The following ATP2C1 variants were observed in gnomAD, a reference collection of about 807,000 sequenced individuals.
ATP2C1 encodes the protein calcium-transporting ATPase type 2C member 1.
A neutral mutation model predicts 120.5 loss-of-function variants in ATP2C1; 31 were observed. The observed-to-expected ratio is 0.26, with a 90% CI of 0.19 to 0.35. The LOEUF (loss-of-function observed/expected upper bound fraction) is 0.35, where lower values mean the gene tolerates loss of function less well. Ranked by LOEUF, ATP2C1 falls within the 10% of genes least tolerant of loss-of-function variation. ATP2C1 has a pLI of 1.00. For synonymous variants in ATP2C1, 351 were observed against 358.7 expected, an observed-to-expected ratio of 0.98 and a Z score of 0.24; for missense variants, 731 against 1,107.5, an observed-to-expected ratio of 0.66 and a Z score of 4.83.
chr3:130,877,521 G>A (rs551933421), intron 1 of ATP2C1, among the ~76,000 whole-genome samples: 68 of 152,162 alleles, frequency 4.5e-4, no homozygotes, highest in African/African-American at 1.0e-3. Context: ...TTATGCAGCC[G>A]ACAGACCCAT....
chr3:130,973,835 T>G (rs1179720763), intron 17 of ATP2C1, among the ~76,000 whole-genome samples: 1 of 152,110 alleles, frequency 6.6e-6, no homozygotes, highest in Non-Finnish European at 1.5e-5. Flanking sequence ...GAGAGGAAAT[T>G]TATCCCTAGC....
At chr3:130,977,240 C>T (rs1203046106) in intron 18 of ATP2C1, among the ~76,000 whole-genome samples, 2 of 152,004 alleles carry the variant, frequency 1.3e-5, no homozygotes, top group East Asian at 3.9e-4. Context: ...CCTGTTACTC[C>T]CCTGATTCAC....
intron 8 of ATP2C1, among the ~76,000 whole-genome samples, chr3:130,947,787 C>T (rs183711370): frequency 6.6e-6 from 1 of 151,986 alleles, no homozygotes; most frequent in East Asian, 1.9e-4. Context: ...TTTCCACGCC[C>T]CTCCAATTGA....
intron 1 of ATP2C1, among the ~76,000 whole-genome samples, chr3:130,873,193 C>T (rs2068490367): frequency 6.6e-6 from 1 of 152,122 alleles, no homozygotes; most frequent in African/African-American, 2.4e-5. Context: ...CAAAAGGTAA[C>T]TAAATAAACA....
chr3:130,944,832 G>A (rs2060073020), intron 8 of ATP2C1, among the ~76,000 whole-genome samples: 1 of 152,158 alleles, frequency 6.6e-6, no homozygotes, highest in East Asian at 1.9e-4. Context: ...GATCCACAGA[G>A]AGCAAAATCC....
chr3:130,852,966 T>A (rs2067721741), intron 1 of ATP2C1, among the ~76,000 whole-genome samples: 2 of 145,878 alleles, frequency 1.4e-5, no homozygotes, highest in Admixed American at 6.9e-5. Flanking sequence ...TAGCAAAATA[T>A]CACCCTGCTA....
intron 20 of ATP2C1, among the ~76,000 whole-genome samples, chr3:130,992,725 G>A (rs2062413952): frequency 1.3e-5 from 2 of 152,222 alleles, no homozygotes; most frequent in African/African-American, 2.4e-5. Context: ...TAAATTGGAT[G>A]ACTTGTTTAG....
chr3:130,983,118 A>G (rs1029291856), intron 20 of ATP2C1, among the ~76,000 whole-genome samples: 50 of 152,070 alleles, frequency 3.3e-4, no homozygotes, highest in African/African-American at 1.1e-3. Context: ...AGAGAGAGAG[A>G]GTTACATAAC....
chr3:130,963,388 A>G, intron 12 of ATP2C1: 1 of 156,082 alleles, frequency 6.4e-6, no homozygotes, highest in Non-Finnish European at 1.4e-5. Context: ...GATATTTCAT[A>G]TAAATGAAAT....
chr3:130,899,489 C>T (rs546994028), intron 2 of ATP2C1: 8 of 152,080 alleles, frequency 5.3e-5, no homozygotes, highest in South Asian at 2.1e-4. Flanking sequence ...TCATTGTCTT[C>T]GCTTTGAGTA....
chr3:130,941,825 GACA>G, intron 8 of ATP2C1, 126 bp downstream of exon 8: 2 of 850,660 alleles, frequency 2.4e-6, no homozygotes, highest in Non-Finnish European at 3.9e-6. Context: ...TTTAAAATGT[GACA>G]TATATAAACT....
At chr3:130,876,909 G>A (rs544741084) in intron 1 of ATP2C1, among the ~76,000 whole-genome samples, 5 of 152,104 alleles carry the variant, frequency 3.3e-5, no homozygotes, top group African/African-American at 7.2e-5. Context: ...TTTTATTGTT[G>A]TTGTTATTGG....
intron 10 of ATP2C1, chr3:130,955,635 T>C (rs987553258): frequency 1.1e-5 from 2 of 175,500 alleles, no homozygotes; most frequent in African/African-American, 4.8e-5. Flanking sequence ...CAGTATGCGA[T>C]GCAAAGTGGG....
At chr3:131,005,636 C>G (rs2063078845), downstream of ATP2C1, among the ~76,000 whole-genome samples, 1 of 152,150 alleles carries the variant, frequency 6.6e-6, no homozygotes, top group East Asian at 1.9e-4. Flanking sequence ...CTATAGCTGA[C>G]TAATTATAAG....
intron 1 of ATP2C1, among the ~76,000 whole-genome samples, chr3:130,878,751 T>A (rs1038242619): frequency 1.3e-5 from 2 of 152,224 alleles, no homozygotes; most frequent in Non-Finnish European, 2.9e-5. Context: ...AAATATGCTA[T>A]TATTCTGATG....
At chr3:130,859,997 T>C (rs530865460) in intron 1 of ATP2C1, among the ~76,000 whole-genome samples, 1 of 152,328 alleles carries the variant, frequency 6.6e-6, no homozygotes, top group South Asian at 2.1e-4. Context: ...TCCTACATTG[T>C]GGGGGCCACA....
rs150581601 is a variant in ATP2C1, at chr3:130,994,183, A to G, written c.2057+85A>G. ...CACCCCTAGAGAATTCAACTGGAAA[A>G]GAATTAGTATTTAAACATTAGGTAA... On this transcript the variant is annotated intron_variant, in intron 22 of 27. Coordinates refer to ENST00000510168, the MANE Select transcript of ATP2C1 (RefSeq NM_001378687.1). The G allele has an allele frequency of 1.4e-4, 215 of 1,507,232 alleles. 2 individuals are homozygous for G. Among genetic ancestry groups the G allele is most frequent in the Middle Eastern group, 1.0e-3 (5 of 4,920 alleles). The allele number at this position is 1,507,232 out of a possible 1,614,324, so 93.4% of individuals were successfully genotyped here.
intron 26 of ATP2C1, among the ~76,000 whole-genome samples, chr3:131,010,284 G>A (rs1200310687): frequency 1.3e-5 from 2 of 150,232 alleles, no homozygotes; most frequent in Non-Finnish European, 2.9e-5. Flanking sequence ...TCTGCATCCC[G>A]GGTTCACACC....
chr3:130,940,817 A>T (rs1401026166), intron 7 of ATP2C1, 126 bp downstream of exon 7: 1 of 781,208 alleles, frequency 1.3e-6, no homozygotes, highest in African/African-American at 1.7e-5. Context: ...ATCTGACACA[A>T]AAAGTTCCTG....
Sources: allele counts gnomAD v4.1 joint callset (sites outside exome capture counted in the v4.1 genomes callset), GRCh38; gene constraint gnomAD v4.1.1; transcripts MANE v1.5; gene names NCBI Gene and HGNC (gene_info 2026-07-23, HGNC 2026-07-21).